Variants in ADGRF1 observed in about 807,000 individuals in gnomAD.
ADGRF1 encodes adhesion G protein-coupled receptor F1.
A neutral mutation model predicts 87.2 loss-of-function variants in ADGRF1; 85 were observed. The observed-to-expected ratio is 0.97, with a 90% CI of 0.82 to 1.17. The LOEUF (loss-of-function observed/expected upper bound fraction) is 1.17. ADGRF1 is among the 50% of genes most tolerant of loss of function. The pLI, the probability that ADGRF1 is intolerant of heterozygous loss-of-function variation, is 0.00. For synonymous variants in ADGRF1, 430 were observed against 408.8 expected, an observed-to-expected ratio of 1.05 and a Z score of -0.63; for missense variants, 1,169 against 1,077.2, an observed-to-expected ratio of 1.09 and a Z score of -1.19.
intron 14 of ADGRF1, among the ~76,000 whole-genome samples, chr6:47,000,837 A>G (rs924643257): frequency 5.3e-5 from 8 of 152,208 alleles, no homozygotes; most frequent in African/African-American, 1.7e-4. Flanking sequence ...ACTCTTAAGC[A>G]TGGTTTCAAC....
intron 8 of ADGRF1, among the ~76,000 whole-genome samples, 194 bp from the exon 9 acceptor site, chr6:47,015,038 C>A (rs1359923884): frequency 6.6e-6 from 1 of 152,136 alleles, no homozygotes; most frequent in South Asian, 2.1e-4. Flanking sequence ...ATTCCTGATG[C>A]CTTACCCTCC....
At chr6:47,024,574 A>G (rs910101844) in intron 4 of ADGRF1, among the ~76,000 whole-genome samples, 1 of 152,194 alleles carries the variant, frequency 6.6e-6, no homozygotes, top group African/African-American at 2.4e-5. Flanking sequence ...TTGGCCTCCC[A>G]AAGTGCTGGG....
intron 1 of ADGRF1, among the ~76,000 whole-genome samples, chr6:47,033,477 T>C (rs1284792356): frequency 6.6e-6 from 1 of 152,254 alleles, no homozygotes; most frequent in African/African-American, 2.4e-5. Context: ...AACAATCTAA[T>C]CTTAGGCACA....
chr6:47,028,662 TA>T (rs1780319276), intron 2 of ADGRF1, among the ~76,000 whole-genome samples: 1 of 152,138 alleles, frequency 6.6e-6, no homozygotes, highest in African/African-American at 2.4e-5. Context: ...AGACAGTGTC[TA>T]AGGATTGCTA....
intron 4 of ADGRF1, among the ~76,000 whole-genome samples, chr6:47,024,697 C>T (rs1249387708): frequency 6.6e-6 from 1 of 152,030 alleles, no homozygotes; most frequent in Non-Finnish European, 1.5e-5. Context: ...GCAATTTTTG[C>T]CATTAAAAGT....
chr6:47,016,971 C>T lies in ADGRF1; in HGVS notation c.612-203G>A, dbSNP rs150881006. The T allele has an allele frequency of 5.9e-3, 2,511 of 426,244 alleles. 49 individuals carry two copies. The highest frequency in any genetic ancestry group is 0.047 in the African/African-American group (2,232 of 47,088). The allele number at this position is 426,244 out of a possible 1,614,324, so 26.4% of individuals were successfully genotyped here. A position where few individuals can be genotyped will look rare whatever the true frequency, so the allele number is the denominator to read the frequency against. Reference sequence around the variant, plus strand: ...TATGATATATATATATGTATAAATACATCTGTATATATACAGATATAATTA... The same window carrying T: ...TATGATATATATATATGTATAAATATATCTGTATATATACAGATATAATTA... On this transcript the variant is annotated intron_variant, in intron 7 of 14. Transcript: ENST00000371253.
At chr6:47,016,210 C>G (rs1724266592) in intron 8 of ADGRF1, among the ~76,000 whole-genome samples, 1 of 151,008 alleles carries the variant, frequency 6.6e-6, no homozygotes, top group Admixed American at 6.6e-5. Context: ...TGAAGAAAAA[C>G]AGTTTGTGTG....
chr6:47,039,496 G>T (rs1180823336), intron 1 of ADGRF1, among the ~76,000 whole-genome samples: 1 of 152,170 alleles, frequency 6.6e-6, no homozygotes, highest in Non-Finnish European at 1.5e-5. Context: ...GTGGCTTACT[G>T]GGGAGGGGAT....
chr6:47,040,407 GC>G (rs1361016321), intron 1 of ADGRF1, among the ~76,000 whole-genome samples: 1 of 152,160 alleles, frequency 6.6e-6, no homozygotes, highest in African/African-American at 2.4e-5. Flanking sequence ...GGGAGGTGGA[GC>G]TTGCAGTGAG....
intron 1 of ADGRF1, among the ~76,000 whole-genome samples, chr6:47,037,939 C>T (rs1780635955): frequency 6.6e-6 from 1 of 152,208 alleles, no homozygotes; most frequent in African/African-American, 2.4e-5. Flanking sequence ...CTGCTTACTG[C>T]ACCCTCTTCC....
At chr6:47,013,559 A>G in intron 9 of ADGRF1, 1 of 985,436 alleles carries the variant, frequency 1.0e-6, no homozygotes. Context: ...CTTTTCTGTG[A>G]CTTGAGTTCT....
chr6:47,000,546 A>G (rs1561861838), intron 14 of ADGRF1, among the ~76,000 whole-genome samples: 1 of 152,228 alleles, frequency 6.6e-6, no homozygotes, highest in East Asian at 1.9e-4. Context: ...AATGACATAA[A>G]GTAGATTGAG....
intron 9 of ADGRF1, chr6:47,013,553 T>C (rs1582153649): frequency 1.0e-6 from 1 of 985,568 alleles, no homozygotes; most frequent in Non-Finnish European, 1.2e-6. Context: ...GTCCTTCTTT[T>C]CTGTGACTTG....
At chr6:47,033,607 T>C (rs1027919437) in intron 1 of ADGRF1, among the ~76,000 whole-genome samples, 1 of 152,274 alleles carries the variant, frequency 6.6e-6, no homozygotes, top group African/African-American at 2.4e-5. Flanking sequence ...CATGCGCCCA[T>C]GCGCACACAC....
chr6:47,028,999 G>C lies in ADGRF1; in HGVS notation c.63C>G (p.Phe21Leu). The change falls in exon 2 of 15, where the codon TTC becomes TTG. Residue 21 changes from phenylalanine (F) to leucine (L), a missense_variant. Phe to Leu is a conservative substitution (Grantham distance 22, BLOSUM62 0). Coordinates refer to ENST00000371253, the MANE Select transcript of ADGRF1 (RefSeq NM_153840.4). ...AGACATAGCACCAACTCACCCCCAG[G>C]AAGCCACCGTGGCCGTCAGTGAAGG... ...FFTFTDGHGG[F>L]LGKNDGIKTK... 6.2e-7 allele frequency: 1 copy of C among 1,613,840 alleles called. No homozygotes were observed. Among genetic ancestry groups the C allele is most frequent in the Non-Finnish European group, 8.5e-7 (1 of 1,179,790 alleles).
chr6:47,001,109 C>G (rs1253585722), intron 14 of ADGRF1, among the ~76,000 whole-genome samples: 1 of 152,240 alleles, frequency 6.6e-6, no homozygotes, highest in Non-Finnish European at 1.5e-5. Flanking sequence ...CATCAGGGCA[C>G]AAGCACCTGG....
Position 47,021,641 on chromosome 6 carries a change from G to A in ADGRF1, c.552+317C>T, listed in dbSNP as rs560283733. ...CTCCCAAAGTACTGGGATTACAGGC[G>A]TGAGCCACCATGCCCGGTCCATAAA... On this transcript the variant is annotated intron_variant, in intron 6 of 14. Transcript: ENST00000371253. Among the ~76,000 whole-genome samples the A allele has an allele frequency of 9.1e-4, 138 of 152,136 alleles. 1 individual carries two copies. Among genetic ancestry groups the A allele is most frequent in the African/African-American group, 2.9e-3 (122 of 41,498 alleles).
intron 9 of ADGRF1, chr6:47,014,188 G>T: frequency 2.2e-6 from 2 of 912,012 alleles, no homozygotes; most frequent in Non-Finnish European, 2.6e-6. Context: ...TGCAAAATGA[G>T]GTTGGTAAAC....
At position 47,014,721 on chromosome 6, in the gene ADGRF1, C is replaced by T; in HGVS notation, c.887G>A (p.Arg296Lys). Residue 296 changes from arginine (R) to lysine (K), a missense_variant, in exon 9 of 15, where the codon AGG (arginine) becomes AAG (lysine). Arg to Lys is a conservative substitution (Grantham distance 26). Transcript: ENST00000371253. ...AAGCAGAGAGAGCACACAAGTCTCC[C>T]TGATGACCTGCCACCCAGAGGACTC... ...KCESSGWQVI[R>K]ETCVLSLLEE... 1 of 1,613,848 alleles carries T rather than the reference C, an allele frequency of 6.2e-7. No individual in the cohort carries two copies. Among genetic ancestry groups the T allele is most frequent in the Non-Finnish European group, 8.5e-7 (1 of 1,179,944 alleles).
Sources: allele counts gnomAD v4.1 joint callset (sites outside exome capture counted in the v4.1 genomes callset), GRCh38; gene constraint gnomAD v4.1.1; transcripts MANE v1.5; gene names NCBI Gene and HGNC (gene_info 2026-07-23, HGNC 2026-07-21).